CCDC88C: variants seen among roughly 807,000 people sequenced by gnomAD.
CCDC88C encodes protein Daple.
A neutral mutation model predicts 198.8 loss-of-function variants in CCDC88C; 131 were observed. The ratio of observed to expected loss-of-function variants is 0.66; its 90% CI spans 0.57 to 0.76. The LOEUF (loss-of-function observed/expected upper bound fraction) is 0.76, where lower values mean the gene tolerates loss of function less well. CCDC88C is among the 30% of genes least tolerant of loss of function. CCDC88C has a pLI of 0.00. For synonymous variants in CCDC88C, 1,166 were observed against 1,114.7 expected, an observed-to-expected ratio of 1.05 and a Z score of -0.92; for missense variants, 2,553 against 2,631.6, an observed-to-expected ratio of 0.97 and a Z score of 0.65.
chr14:91,341,869 C>A (rs1324614280), intron 6 of CCDC88C, among the ~76,000 whole-genome samples: 2 of 152,190 alleles, frequency 1.3e-5, no homozygotes, highest in East Asian at 3.9e-4. Flanking sequence ...CGCTGGGGGG[C>A]CTGAGTTGGG....
chr14:91,367,220 CAG>C (rs145439898), intron 3 of CCDC88C, among the ~76,000 whole-genome samples: 6,675 of 152,250 alleles, frequency 0.044, 498 homozygotes, highest in African/African-American at 0.15. Context: ...GCTGCTAATG[CAG>C]AATAAATGAG....
At chr14:91,316,147 G>A (rs1261071067) in intron 13 of CCDC88C, among the ~76,000 whole-genome samples, 1 of 152,176 alleles carries the variant, frequency 6.6e-6, no homozygotes, top group Non-Finnish European at 1.5e-5. Context: ...GGCTGCTCAA[G>A]TGGCCCTCTG....
In CCDC88C at chr14:91,301,148, C is replaced by CCGT. The variant is rs565845800; in HGVS notation, c.3636-1079_3636-1078insACG. 1.9e-3 allele frequency among the ~76,000 whole-genome samples: 291 copies of CCGT among 152,328 alleles called. 1 individual carries two copies. Among genetic ancestry groups the CCGT allele is most frequent in the African/African-American group, 6.7e-3 (279 of 41,580 alleles). Reference sequence around the variant, plus strand: ...CTGAATCCCCGTGTGAGGAATGACACGTAGTGAATGCTTGTTAGAGCAATG... The same window carrying CCGT: ...CTGAATCCCCGTGTGAGGAATGACACCGTGTAGTGAATGCTTGTTAGAGCAATG... On this transcript the variant is annotated intron_variant, in intron 20 of 29. Transcript: ENST00000389857.
At chr14:91,320,536 G>A (rs568375623) in intron 13 of CCDC88C, among the ~76,000 whole-genome samples, 1 of 152,222 alleles carries the variant, frequency 6.6e-6, no homozygotes, top group African/African-American at 2.4e-5. Flanking sequence ...GCCCACGAAG[G>A]GGGTGGTGGG....
chr14:91,343,730 G>GA (rs1893401179), intron 4 of CCDC88C, 73 bp from the exon 5 acceptor site: 13 of 1,566,860 alleles, frequency 8.3e-6, no homozygotes, highest in South Asian at 1.1e-5. Context: ...TTACCGTAGG[G>GA]AAAAAACAGA....
At chr14:91,301,819 A>G (rs551372599) in intron 20 of CCDC88C, among the ~76,000 whole-genome samples, 1 of 152,396 alleles carries the variant, frequency 6.6e-6, no homozygotes, top group African/African-American at 2.4e-5. Flanking sequence ...GCTGGGCATC[A>G]TGCTAGTATC....
intron 3 of CCDC88C, among the ~76,000 whole-genome samples, chr14:91,368,628 G>T (rs1894647541): frequency 6.6e-6 from 1 of 152,186 alleles, no homozygotes; most frequent in African/African-American, 2.4e-5. Flanking sequence ...TCGAAACCCT[G>T]CATCGATTTA....
At chr14:91,344,978 T>C (rs1227196319) in intron 4 of CCDC88C, among the ~76,000 whole-genome samples, 1 of 151,224 alleles carries the variant, frequency 6.6e-6, no homozygotes, top group Non-Finnish European at 1.5e-5. Flanking sequence ...GTATTTTTTG[T>C]AGACAGGGTC....
At position 91,324,824 on chromosome 14, in the gene CCDC88C, C is replaced by T. The variant is rs1408881741; in HGVS notation, c.1297G>A (p.Gly433Ser). 6.2e-7 allele frequency: 1 copy of T among 1,613,430 alleles called. No homozygotes were observed. The highest frequency in any genetic ancestry group is 1.3e-5 in the African/African-American group (1 of 75,050). ...KQSMNESAHL[G>S]WELEQLSKNA... Reference sequence around the variant, plus strand: ...TTGGACAGCTGCTCCAGCTCCCAGCCAAGGTGGGCAGATTCGTTCATGCTC... The same window carrying T: ...TTGGACAGCTGCTCCAGCTCCCAGCTAAGGTGGGCAGATTCGTTCATGCTC... The change falls in exon 12 of 30, where the codon GGC (glycine) becomes AGC (serine). Residue 433 changes from glycine (G) to serine (S), a missense_variant. By Grantham distance (56) the Gly-to-Ser change is moderately conservative (BLOSUM62 0). Transcript: ENST00000389857.
intron 23 of CCDC88C, among the ~76,000 whole-genome samples, chr14:91,291,603 G>A (rs560293142): frequency 2.0e-5 from 3 of 152,318 alleles, no homozygotes; most frequent in African/African-American, 7.2e-5. Flanking sequence ...AAGTTAATGA[G>A]CACAGCAGGG....
At chr14:91,365,538 T>C (rs563240622) in intron 3 of CCDC88C, among the ~76,000 whole-genome samples, 2 of 152,314 alleles carry the variant, frequency 1.3e-5, no homozygotes, top group African/African-American at 4.8e-5. Context: ...AAATGGTGCA[T>C]CCACTCAACC....
intron 5 of CCDC88C, among the ~76,000 whole-genome samples, chr14:91,342,820 A>G (rs969306228): frequency 1.1e-4 from 17 of 152,196 alleles, no homozygotes; most frequent in Admixed American, 1.1e-3. Context: ...GGTGGGGCAA[A>G]CTTCATGTGT....
intron 4 of CCDC88C, among the ~76,000 whole-genome samples, chr14:91,353,991 C>T (rs1426163749): frequency 1.3e-5 from 2 of 152,164 alleles, no homozygotes; most frequent in African/African-American, 4.8e-5. Context: ...TTACTGTCCA[C>T]AAAAGTAACC....
Position 91,313,020 on chromosome 14 carries a change from C to T in CCDC88C, c.2736+60G>A, listed in dbSNP as rs1891904870. ...TTATTTCTCTCCTGAAACCATGCAC[C>T]ACAGAACCCACTACCACCATCTGCC... On this transcript the variant is annotated intron_variant, in intron 15 of 29. Transcript: ENST00000389857. The surrounding 1 kb of genome is among the most constrained non-coding windows in gnomAD (Gnocchi z 5.2). 2 of 1,325,104 alleles carry T rather than the reference C, an allele frequency of 1.5e-6. No individual in the cohort carries two copies. Among genetic ancestry groups the T allele is most frequent in the East Asian group, 4.6e-5 (2 of 43,080 alleles). 82.1% of individuals were successfully genotyped at this position (1,325,104 alleles called of 1,614,324 possible).
chr14:91,321,572 G>A (rs1055830288), intron 12 of CCDC88C, among the ~76,000 whole-genome samples: 1 of 152,226 alleles, frequency 6.6e-6, no homozygotes, highest in Admixed American at 6.5e-5. Flanking sequence ...TGCAAGGGCT[G>A]TGTCACTTCT....
intron 3 of CCDC88C, among the ~76,000 whole-genome samples, chr14:91,396,638 A>G (rs2139992125): frequency 6.6e-6 from 1 of 152,262 alleles, no homozygotes; most frequent in Non-Finnish European, 1.5e-5. Flanking sequence ...TTTTTCCGGA[A>G]GCACAAATTC....
intron 10 of CCDC88C, among the ~76,000 whole-genome samples, chr14:91,327,039 T>C (rs1892610842): frequency 6.6e-6 from 1 of 152,232 alleles, no homozygotes; most frequent in Non-Finnish European, 1.5e-5. Flanking sequence ...TGCTACGGGC[T>C]TTCTTGGCTT....
chr14:91,384,602 C>T (rs1054870458), intron 3 of CCDC88C: 2 of 438,750 alleles, frequency 4.6e-6, no homozygotes, highest in African/African-American at 4.0e-5. Flanking sequence ...ATGACCTTCA[C>T]TATTGTGCTG....
At position 91,277,994 on chromosome 14, in the gene CCDC88C, C is replaced by A; in HGVS notation, c.4986G>T (p.Ser1662=). 1.3e-6 allele frequency: 2 copies of A among 1,570,538 alleles called. No homozygotes were observed. Among genetic ancestry groups the A allele is most frequent in the Admixed American group, 1.8e-5 (1 of 54,224 alleles). The change falls in exon 29 of 30, where the codon TCG becomes TCT. Residue 1662 remains serine, a synonymous_variant. Transcript: ENST00000389857. ...TGACCATCTCACTGCTGGGGGAGGC[C>A]GAGCAGGGCCGCACTCCGACGTAGG... ...APPYVGVRPC[S]ASPSSEMVTL... is the part of the protein sequence containing the mutation.
Sources: gnomAD v4.1 joint callset for allele counts (sites outside exome capture counted in the v4.1 genomes callset) on GRCh38, gnomAD v4.1.1 for gene constraint, Gnocchi (gnomAD v3.1) non-coding constraint, MANE v1.5 for transcripts, NCBI Gene and HGNC (gene_info 2026-07-23, HGNC 2026-07-21) for gene names.